The following CDKL5 variants were observed in gnomAD, a reference collection of about 807,000 sequenced individuals.
CDKL5 encodes cyclin dependent kinase like 5, also known as cyclin-dependent kinase-like 5.
In CDKL5, 8 loss-of-function variants were observed where a neutral mutation model predicts 61.7. The observed-to-expected ratio is 0.13, with a 90% CI of 0.08 to 0.23. The LOEUF (loss-of-function observed/expected upper bound fraction) is 0.23, where lower values mean the gene tolerates loss of function less well. Among genes scored for constraint, CDKL5 ranks in the 10% least tolerant of loss-of-function variants. CDKL5 has a pLI of 1.00. For synonymous variants in CDKL5, 275 were observed against 272.3 expected, an observed-to-expected ratio of 1.01 and a Z score of -0.10; for missense variants, 440 against 734.5, an observed-to-expected ratio of 0.60 and a Z score of 4.63.
In CDKL5 at chrX:18,634,826, T is replaced by C. The variant is rs866401739; in HGVS notation, c.*6069T>C. On this transcript the variant is annotated 3_prime_UTR_variant, in exon 18 of 18. Coordinates refer to ENST00000623535, the MANE Select transcript of CDKL5 (RefSeq NM_001323289.2). ...TTTGAATTCAGGTAGTTATTCTGTATATACTTAGCTAACTATTCAGAGCTT... is the reference window on the plus strand; with the variant it reads ...TTTGAATTCAGGTAGTTATTCTGTACATACTTAGCTAACTATTCAGAGCTT... 1.2e-4 allele frequency: 93 copies of C among 747,518 alleles called. No homozygotes were observed. In the Middle Eastern group the frequency reaches 4.6e-3, roughly 37 times the overall value. 61.6% of individuals were successfully genotyped at this position (747,518 alleles called of 1,213,427 possible).
intron 1 of CDKL5, among the ~76,000 whole-genome samples, chrX:18,452,161 A>G (rs1335454792): frequency 3.6e-5 from 4 of 111,808 alleles, no homozygotes; most frequent in African/African-American, 1.3e-4. Flanking sequence ...AAAATCAATT[A>G]TAATTAGGCT....
chrX:18,618,285 C>T (rs1926780157), intron 15 of CDKL5, among the ~76,000 whole-genome samples: 1 of 112,037 alleles, frequency 8.9e-6, no homozygotes, highest in East Asian at 2.8e-4. Context: ...TGTTGTGCTT[C>T]TAGGTTGTGT....
At chrX:18,478,850 G>T (rs1921431217) in intron 1 of CDKL5, among the ~76,000 whole-genome samples, 1 of 108,701 alleles carries the variant, frequency 9.2e-6, no homozygotes, top group Non-Finnish European at 1.9e-5. Context: ...AGAGTAGCTG[G>T]GGCTACAGGT....
At chrX:18,441,833 T>G (rs1276376101) in intron 1 of CDKL5, among the ~76,000 whole-genome samples, 2 of 111,255 alleles carry the variant, frequency 1.8e-5, no homozygotes, top group Non-Finnish European at 3.8e-5. Context: ...TATTCTGCTC[T>G]TACTGTTCCT....
At chrX:18,533,789 C>T (rs1923729223) in intron 3 of CDKL5, among the ~76,000 whole-genome samples, 1 of 111,775 alleles carries the variant, frequency 8.9e-6, no homozygotes, top group African/African-American at 3.3e-5. Flanking sequence ...CAGAGATTCT[C>T]AGGACCAGCC....
At chrX:18,489,975 G>A (rs1234472084) in intron 1 of CDKL5, among the ~76,000 whole-genome samples, 1 of 111,255 alleles carries the variant, frequency 9.0e-6, no homozygotes, top group Non-Finnish European at 1.9e-5. Flanking sequence ...ATCTCCTGGG[G>A]CTGTATCACA....
chrX:18,515,966 C>A (rs1464338000), intron 3 of CDKL5, among the ~76,000 whole-genome samples: 2 of 109,886 alleles, frequency 1.8e-5, no homozygotes, highest in Non-Finnish European at 3.8e-5. Flanking sequence ...TTCCTTCCTT[C>A]CTTCCTCCCT....
intron 1 of CDKL5, among the ~76,000 whole-genome samples, chrX:18,493,562 T>C (rs1922064237): frequency 8.9e-6 from 1 of 112,583 alleles, no homozygotes. Context: ...ATTTCAAACA[T>C]GAAATTTATC....
At chrX:18,490,813 A>G (rs1921971027) in intron 1 of CDKL5, among the ~76,000 whole-genome samples, 1 of 112,111 alleles carries the variant, frequency 8.9e-6, no homozygotes, top group Admixed American at 9.5e-5. Context: ...TTAGCAGCAC[A>G]AACAATTGAG....
At chrX:18,617,781 A>C in intron 15 of CDKL5, among the ~76,000 whole-genome samples, 1 of 110,665 alleles carries the variant, frequency 9.0e-6, no homozygotes, top group East Asian at 2.8e-4. Flanking sequence ...TCTTTTTTTC[A>C]TTTGGCCTCT....
intron 1 of CDKL5, among the ~76,000 whole-genome samples, chrX:18,466,635 C>T (rs751077331): frequency 1.8e-5 from 2 of 111,315 alleles, no homozygotes; most frequent in Admixed American, 9.6e-5. Context: ...CTCAGCCTCC[C>T]GAGTAGCTGG....
rs1925422864 is a variant in CDKL5 at position 18,579,932 on chromosome X, A to G, written c.367A>G (p.Ile123Val). The G allele has an allele frequency of 8.3e-7, 1 of 1,200,201 alleles. No homozygotes were observed. Among genetic ancestry groups the G allele is most frequent in the Non-Finnish European group, 1.1e-6 (1 of 886,283 alleles). ...KSYIYQLIKA[I>V]HWCHKNDIVH... The stretch of plus-strand genomic sequence containing the variant: ...CTACATCTATCAGCTAATCAAGGCT[A>G]TTCACTGGTGCCATAAGAATGATAT... The change falls in exon 6 of 18, where the codon ATT becomes GTT. Residue 123 changes from isoleucine (I) to valine (V), a missense_variant. Coordinates refer to ENST00000623535, the MANE Select transcript of CDKL5 (RefSeq NM_001323289.2).
intron 3 of CDKL5, among the ~76,000 whole-genome samples, chrX:18,553,130 A>G (rs779277070): frequency 9.0e-6 from 1 of 111,135 alleles, no homozygotes; most frequent in South Asian, 3.8e-4. Context: ...GCAAAACCCA[A>G]CAGCACTTAG....
intron 1 of CDKL5, among the ~76,000 whole-genome samples, chrX:18,432,900 C>T (rs1931528701): frequency 8.9e-6 from 1 of 112,306 alleles, no homozygotes; most frequent in Admixed American, 9.4e-5. Context: ...AGGCATGAAC[C>T]ACTGTGCCTG....
chrX:18,500,463 G>GAA (rs1247375672), intron 1 of CDKL5, among the ~76,000 whole-genome samples: 1 of 112,087 alleles, frequency 8.9e-6, no homozygotes. Context: ...TCAAATACCA[G>GAA]AAAAGCTAAA....
chrX:18,478,537 C>A (rs995645285), intron 1 of CDKL5, among the ~76,000 whole-genome samples: 7 of 107,232 alleles, frequency 6.5e-5, no homozygotes, highest in African/African-American at 2.4e-4. Flanking sequence ...GTGATCTGCC[C>A]ACCTCGGCCT....
intron 1 of CDKL5, among the ~76,000 whole-genome samples, chrX:18,458,665 T>C (rs1237425098): frequency 9.1e-6 from 1 of 109,859 alleles, no homozygotes; most frequent in African/African-American, 3.3e-5. Flanking sequence ...TGCAATGAGC[T>C]GTGCATTATT....
At chrX:18,446,089 A>T (rs752696879) in intron 1 of CDKL5, among the ~76,000 whole-genome samples, 17 of 108,963 alleles carry the variant, frequency 1.6e-4, no homozygotes, top group Non-Finnish European at 3.2e-4. Flanking sequence ...TAGGCTTGTA[A>T]TCCCAGCACT....
At position 18,547,789 on chromosome X, in the gene CDKL5, A is replaced by G. The variant is rs898202346; in HGVS notation, c.100-16688A>G. 8.0e-5 allele frequency among the ~76,000 whole-genome samples: 9 copies of G among 112,146 alleles called. No homozygotes were observed. In the Admixed American group the frequency reaches 8.5e-4, roughly 11 times the overall value. Reference sequence around the variant, plus strand: ...AGTTACATACGTAAGATAAAATGCTAGATACTTGGATGTAAGACAAACTAG... The same window carrying G: ...AGTTACATACGTAAGATAAAATGCTGGATACTTGGATGTAAGACAAACTAG... On this transcript the variant is annotated intron_variant, in intron 3 of 17. Transcript: ENST00000623535.
Sources: gnomAD v4.1 joint callset for allele counts (sites outside exome capture counted in the v4.1 genomes callset) on GRCh38, gnomAD v4.1.1 for gene constraint, MANE v1.5 for transcripts, NCBI Gene and HGNC (gene_info 2026-07-23, HGNC 2026-07-21) for gene names.